The following KATNIP variants were observed in gnomAD, a reference collection of about 807,000 sequenced individuals.
KATNIP encodes the protein katanin-interacting protein.
KATNIP carries 126 observed loss-of-function variants against 174.0 expected under a neutral mutation model. The observed-to-expected ratio is 0.72, with a 90% CI of 0.63 to 0.84. The LOEUF is 0.84. KATNIP is among the 40% of genes least tolerant of loss of function. The pLI is 0.00. For missense variants in KATNIP, 1,958 were observed against 2,109.7 expected, an observed-to-expected ratio of 0.93 and a Z score of 1.41; for synonymous variants, 810 against 835.7, an observed-to-expected ratio of 0.97 and a Z score of 0.53.
chr16:27,573,866 G>A (rs1420895167), intron 1 of KATNIP, 35 bp from the exon 2 acceptor site: 2 of 1,609,538 alleles, frequency 1.2e-6, no homozygotes, highest in Non-Finnish European at 1.7e-6. Context: ...TTCTAAAACA[G>A]CCTTAATCTT....
At chr16:27,559,277 T>C (rs894334722) in intron 1 of KATNIP, among the ~76,000 whole-genome samples, 3 of 152,214 alleles carry the variant, frequency 2.0e-5, no homozygotes, top group Admixed American at 6.5e-5. Context: ...CTCTGGGGAA[T>C]TAGCTCCCCT....
At chr16:27,633,387 T>C (rs943147123) in intron 5 of KATNIP, among the ~76,000 whole-genome samples, 10 of 150,802 alleles carry the variant, frequency 6.6e-5, no homozygotes, top group Middle Eastern at 3.2e-3. Context: ...TTAAAATTTA[T>C]TTTTGTACTA....
intron 14 of KATNIP, among the ~76,000 whole-genome samples, chr16:27,730,643 T>C (rs1597319745): frequency 6.6e-6 from 1 of 152,186 alleles, no homozygotes; most frequent in South Asian, 2.1e-4. Flanking sequence ...TTTCAAAACA[T>C]TGAGGTTCAG....
At chr16:27,568,950 C>T (rs1157854214) in intron 1 of KATNIP, among the ~76,000 whole-genome samples, 2 of 152,146 alleles carry the variant, frequency 1.3e-5, no homozygotes, top group African/African-American at 4.8e-5. Context: ...CCTCCACCCC[C>T]ACCACTCCCC....
intron 8 of KATNIP, among the ~76,000 whole-genome samples, chr16:27,697,055 GT>G (rs1158184199): frequency 6.6e-6 from 1 of 152,164 alleles, no homozygotes; most frequent in Non-Finnish European, 1.5e-5. Flanking sequence ...CCAGTCTACT[GT>G]TGATGGGCAT....
intron 13 of KATNIP, among the ~76,000 whole-genome samples, chr16:27,713,805 T>TATAC (rs1447875006): frequency 2.2e-5 from 1 of 45,446 alleles, no homozygotes; most frequent in Non-Finnish European, 3.7e-5. Context: ...TGTGTGTGTA[T>TATAC]ATACATATAT....
chr16:27,558,031 A>C (rs183934508), intron 1 of KATNIP, among the ~76,000 whole-genome samples: 2 of 152,094 alleles, frequency 1.3e-5, no homozygotes, highest in Middle Eastern at 3.4e-3. Context: ...TGTGTCTGTC[A>C]CTCCTAGGCC....
chr16:27,555,768 A>G (rs940361352), intron 1 of KATNIP, among the ~76,000 whole-genome samples: 2 of 150,872 alleles, frequency 1.3e-5, no homozygotes, highest in African/African-American at 4.9e-5. Context: ...TCTGGGAGGC[A>G]GAGGTTGTGG....
At chr16:27,773,053 TG>T (rs2082365104) in intron 22 of KATNIP, 45 bp from the exon 23 acceptor site, 1 of 1,122,430 alleles carries the variant, frequency 8.9e-7, no homozygotes, top group Non-Finnish European at 1.3e-6. Context: ...TACTATATTC[TG>T]AAAAAAAAAA....
At chr16:27,762,377 C>T (rs565556189) in intron 19 of KATNIP, among the ~76,000 whole-genome samples, 3 of 152,174 alleles carry the variant, frequency 2.0e-5, no homozygotes, top group Non-Finnish European at 4.4e-5. Context: ...CTGGGCTATG[C>T]GAAGCAGGTG....
chr16:27,761,370 T>C, intron 18 of KATNIP, 43 bp from the exon 19 acceptor site: 1 of 1,558,258 alleles, frequency 6.4e-7, no homozygotes, highest in East Asian at 2.3e-5. Flanking sequence ...ATGCCTCCTC[T>C]GGAGCCTCTG....
At chr16:27,720,366 C>G (rs2143016454) in intron 13 of KATNIP, among the ~76,000 whole-genome samples, 1 of 152,212 alleles carries the variant, frequency 6.6e-6, no homozygotes, top group East Asian at 1.9e-4. Flanking sequence ...GCTGGGATTA[C>G]AGACATAAGC....
chr16:27,677,944 T>C lies in KATNIP; in HGVS notation c.756T>C (p.Ser252=). 6.2e-7 allele frequency: 1 copy of C among 1,614,252 alleles called. No homozygotes were observed. The highest frequency in any genetic ancestry group is 8.5e-7 in the Non-Finnish European group (1 of 1,180,038). ...VHGEQETEGR[S]SPGPDTLVVL... is the part of the protein sequence containing the mutation. ...GGGAACAGGAGACAGAAGGACGCTCTTCTCCAGGCCCAGACACCCTCGTGG... is the reference window on the plus strand; with the variant it reads ...GGGAACAGGAGACAGAAGGACGCTCCTCTCCAGGCCCAGACACCCTCGTGG... Residue 252 remains serine (S), a synonymous_variant, in exon 7 of 28, where the codon TCT becomes TCC. Coordinates refer to ENST00000261588, the MANE Select transcript of KATNIP (RefSeq NM_015202.5).
intron 11 of KATNIP, among the ~76,000 whole-genome samples, chr16:27,703,023 T>C (rs2079157212): frequency 6.6e-6 from 1 of 151,900 alleles, no homozygotes; most frequent in Non-Finnish European, 1.5e-5. Context: ...AAAAATTAGC[T>C]GGGCATGGTG....
intron 20 of KATNIP, among the ~76,000 whole-genome samples, chr16:27,769,467 C>T (rs2082225345): frequency 6.6e-6 from 1 of 152,212 alleles, no homozygotes; most frequent in African/African-American, 2.4e-5. Flanking sequence ...GCCCATTTAA[C>T]AGATGAGGAA....
intron 15 of KATNIP, among the ~76,000 whole-genome samples, chr16:27,744,810 G>A (rs2081227935): frequency 6.6e-6 from 1 of 151,344 alleles, no homozygotes; most frequent in African/African-American, 2.4e-5. Context: ...TTGAGCTCGG[G>A]AGGCTGAGGC....
chr16:27,754,375 C>T lies in KATNIP; in HGVS notation c.3631+124C>T, dbSNP rs533261407. 529 of 785,218 alleles carry T rather than the reference C, an allele frequency of 6.7e-4. 1 individual carries two copies. The highest frequency in any genetic ancestry group is 1.6e-3 in the Admixed American group (71 of 44,060). 48.6% of individuals were successfully genotyped at this position (785,218 alleles called of 1,614,324 possible). A position where few individuals can be genotyped will look rare whatever the true frequency, so the allele number is the denominator to read the frequency against. ...GTGGGTTGGACACTGTACAGAGACA[C>T]CAGGCCATGGGGCAAGTGGAGGCTG... On this transcript the variant is annotated intron_variant, in intron 18 of 27. Coordinates refer to ENST00000261588, the MANE Select transcript of KATNIP (RefSeq NM_015202.5).
chr16:27,701,617 C>T lies in KATNIP; in HGVS notation c.1208C>T (p.Thr403Ile), dbSNP rs1275390252. The T allele has an allele frequency of 6.2e-7, 1 of 1,604,056 alleles. No individual in the cohort carries two copies. The highest frequency in any genetic ancestry group is 1.1e-5 in the South Asian group (1 of 88,308). The change falls in exon 11 of 28, where the codon ACT becomes ATT. Residue 403 changes from threonine to isoleucine, a missense_variant. This residue lies in a region of KATNIP where 1,557 missense variants were observed against 1,617.8 expected (regional missense o/e 0.96). Coordinates refer to ENST00000261588, the MANE Select transcript of KATNIP (RefSeq NM_015202.5). ...CTTCCCATCACCACGGCGACTACTACTCAGGAGCCGGCCGGGGCAGCAGGA... is the reference window on the plus strand; with the variant it reads ...CTTCCCATCACCACGGCGACTACTATTCAGGAGCCGGCCGGGGCAGCAGGA... ...ELLPITTATT[T>I]QEPAGAAGGA...
intron 1 of KATNIP, among the ~76,000 whole-genome samples, chr16:27,554,445 A>G (rs1371470717): frequency 2.0e-5 from 3 of 152,228 alleles, no homozygotes; most frequent in Admixed American, 6.5e-5. Flanking sequence ...AGCCTGGGCA[A>G]CAGAGTGAGA....
Sources: allele counts gnomAD v4.1 joint callset (sites outside exome capture counted in the v4.1 genomes callset), GRCh38; gene constraint gnomAD v4.1.1; regional missense constraint gnomAD v4.1.1; transcripts MANE v1.5; gene names NCBI Gene and HGNC (gene_info 2026-07-23, HGNC 2026-07-21).